LYPLAL1: variants seen among roughly 807,000 people sequenced by gnomAD.
The protein encoded by LYPLAL1 is lysophospholipase-like protein 1.
A neutral mutation model predicts 19.7 loss-of-function variants in LYPLAL1; 23 were observed. The ratio of observed to expected loss-of-function variants is 1.17; its 90% CI spans 0.84 to 1.65. The LOEUF is 1.65. Among genes scored for constraint, LYPLAL1 ranks in the 40% most tolerant of loss-of-function variants. The probability of loss-of-function intolerance (pLI) is 0.00; values close to 1 mark genes in which losing one functional copy is unlikely to be tolerated. For synonymous variants in LYPLAL1, 119 were observed against 96.3 expected, an observed-to-expected ratio of 1.24 and a Z score of -1.38; for missense variants, 355 against 279.4, an observed-to-expected ratio of 1.27 and a Z score of -1.93.
chr1:219,269,331 A>G, the LYPLAL1 span, among the ~76,000 whole-genome samples: 1 of 152,256 alleles, frequency 6.6e-6, no homozygotes, highest in Non-Finnish European at 1.5e-5. Flanking sequence ...TCAGAGCAAC[A>G]GCAAAACATG....
chr1:219,295,925 C>G, the LYPLAL1 span, among the ~76,000 whole-genome samples: 1 of 152,196 alleles, frequency 6.6e-6, no homozygotes, highest in Non-Finnish European at 1.5e-5. Context: ...ATGCTAAGCT[C>G]CAGCCACATT....
rs531205675 is a variant in LYPLAL1, at chr1:219,192,628, G to GT, written c.192-445dup. On this transcript the variant is annotated intron_variant, in intron 2 of 4. Transcript: ENST00000366928. ...GTGTTTGCCCACAGAAATCTCTAAG[G>GT]TTTTTTTTTGTTCCCCTTTCATTTA... Among the ~76,000 whole-genome samples, 1,059 of 150,774 alleles carry GT rather than the reference G, an allele frequency of 7.0e-3. 3 individuals carry two copies. Among genetic ancestry groups the GT allele is most frequent in the Non-Finnish European group, 0.01 (691 of 67,396 alleles).
intron 3 of LYPLAL1, among the ~76,000 whole-genome samples, chr1:219,197,888 G>A (rs1370093707): frequency 6.6e-6 from 1 of 152,068 alleles, no homozygotes; most frequent in South Asian, 2.1e-4. Context: ...ACAGTAGCAG[G>A]AGAGGTTACC....
At chr1:219,252,087 G>C in the LYPLAL1 span, among the ~76,000 whole-genome samples, 1 of 151,812 alleles carries the variant, frequency 6.6e-6, no homozygotes, top group Non-Finnish European at 1.5e-5. Flanking sequence ...TGTTGGTTTG[G>C]CTGTTGTTGG....
At chr1:219,281,467 A>G in the LYPLAL1 span, among the ~76,000 whole-genome samples, 3 of 152,328 alleles carry the variant, frequency 2.0e-5, no homozygotes, top group South Asian at 2.1e-4. Flanking sequence ...GAGTTAATTC[A>G]CCCTGTAAAA....
chr1:219,280,102 TTTTTTAGAAG>T, the LYPLAL1 span, among the ~76,000 whole-genome samples: 2 of 152,122 alleles, frequency 1.3e-5, no homozygotes, highest in Non-Finnish European at 2.9e-5. Flanking sequence ...TCTCTGAAAA[TTTTTTAGAAG>T]TTTATAGGTG....
chr1:219,194,701 C>T (rs998462383), intron 3 of LYPLAL1, among the ~76,000 whole-genome samples: 3 of 151,972 alleles, frequency 2.0e-5, no homozygotes, highest in Admixed American at 6.6e-5. Context: ...AATAACATTA[C>T]CCAATCAATA....
At position 219,193,148 on chromosome 1, in the gene LYPLAL1, C is replaced by A. The variant is rs144781750; in HGVS notation, c.258C>A (p.Asp86Glu). The change falls in exon 3 of 5, where the codon GAC (aspartate) becomes GAA (glutamate). Residue 86 changes from aspartate (D) to glutamate (E), a missense_variant. Physicochemically the swap from Asp to Glu is conservative, Grantham distance 45. Coordinates refer to ENST00000366928, the MANE Select transcript of LYPLAL1 (RefSeq NM_138794.5). ...TTGACAGATTTAAAATAACCAATGA[C>A]TGCCCAGAACACCTTGAATCAATTG... The part of the protein sequence containing the change: ...VWFDRFKITN[D>E]CPEHLESIDV... The A allele has an allele frequency of 2.5e-6, 4 of 1,606,028 alleles. No individual in the cohort carries two copies. Among genetic ancestry groups the A allele is most frequent in the Non-Finnish European group, 3.4e-6 (4 of 1,175,010 alleles).
chr1:219,440,721 A>G, the LYPLAL1 span, among the ~76,000 whole-genome samples: 1 of 152,220 alleles, frequency 6.6e-6, no homozygotes, highest in Non-Finnish European at 1.5e-5. Flanking sequence ...ACTTTTCTAT[A>G]TGACCAATAC....
the LYPLAL1 span, among the ~76,000 whole-genome samples, chr1:219,244,927 A>AC: frequency 6.7e-6 from 1 of 150,290 alleles, no homozygotes; most frequent in African/African-American, 2.4e-5. Flanking sequence ...AAAAAAAAAA[A>AC]CAAAAAACAC....
chr1:219,314,463 G>A, the LYPLAL1 span, among the ~76,000 whole-genome samples: 413 of 150,830 alleles, frequency 2.7e-3, 2 homozygotes, highest in African/African-American at 8.6e-3. Flanking sequence ...TTTCTTTTTT[G>A]AGATGGAGTT....
the LYPLAL1 span, among the ~76,000 whole-genome samples, chr1:219,389,618 C>G: frequency 6.6e-6 from 1 of 152,132 alleles, no homozygotes; most frequent in African/African-American, 2.4e-5. Flanking sequence ...TATGCTAAAG[C>G]AGAATGTTTT....
At chr1:219,364,266 A>G in the LYPLAL1 span, among the ~76,000 whole-genome samples, 1 of 152,162 alleles carries the variant, frequency 6.6e-6, no homozygotes, top group Non-Finnish European at 1.5e-5. Context: ...CTTACTGTGT[A>G]TATGTACATG....
the LYPLAL1 span, among the ~76,000 whole-genome samples, chr1:219,424,832 C>G: frequency 2.6e-5 from 4 of 152,240 alleles, no homozygotes; most frequent in East Asian, 5.8e-4. Flanking sequence ...ACCCCTATGG[C>G]AAAGTTACTT....
chr1:219,274,064 A>G, the LYPLAL1 span, among the ~76,000 whole-genome samples: 3 of 152,106 alleles, frequency 2.0e-5, no homozygotes, highest in Non-Finnish European at 4.4e-5. Flanking sequence ...CTGGCCCTGT[A>G]TGTGTTTTAT....
chr1:219,401,569 TTGAC>T, the LYPLAL1 span, among the ~76,000 whole-genome samples: 1 of 151,996 alleles, frequency 6.6e-6, no homozygotes, highest in Non-Finnish European at 1.5e-5. Flanking sequence ...AATTATATCT[TTGAC>T]TACTATTTCA....
chr1:219,345,650 T>C, the LYPLAL1 span, among the ~76,000 whole-genome samples: 1 of 152,258 alleles, frequency 6.6e-6, no homozygotes, highest in East Asian at 1.9e-4. Flanking sequence ...GGAGGAGATC[T>C]GGGGTGGGTG....
At chr1:219,274,165 A>G in the LYPLAL1 span, among the ~76,000 whole-genome samples, 1 of 152,220 alleles carries the variant, frequency 6.6e-6, no homozygotes, top group South Asian at 2.1e-4. Context: ...AGAAGTTTGA[A>G]CAAAAATGCA....
chr1:219,252,993 C>T, the LYPLAL1 span, among the ~76,000 whole-genome samples: 3 of 151,942 alleles, frequency 2.0e-5, no homozygotes, highest in Non-Finnish European at 4.4e-5. Flanking sequence ...GCATAAATTT[C>T]TTCTTCCTGG....
Sources: allele counts gnomAD v4.1 joint callset (sites outside exome capture counted in the v4.1 genomes callset), GRCh38; gene constraint gnomAD v4.1.1; transcripts MANE v1.5; gene names NCBI Gene and HGNC (gene_info 2026-07-23, HGNC 2026-07-21).